The following GAS7 variants were observed in gnomAD, a reference collection of about 807,000 sequenced individuals.
GAS7 encodes the protein growth arrest-specific protein 7.
A neutral mutation model predicts 71.1 loss-of-function variants in GAS7; 28 were observed. The ratio of observed to expected loss-of-function variants is 0.39; its 90% CI spans 0.29 to 0.54. The LOEUF (loss-of-function observed/expected upper bound fraction) is 0.54. Ranked by LOEUF, GAS7 falls within the 20% of genes least tolerant of loss-of-function variation. The probability of loss-of-function intolerance (pLI) is 0.62; values close to 1 mark genes in which losing one functional copy is unlikely to be tolerated. For synonymous variants in GAS7, 258 were observed against 245.8 expected (o/e 1.05, Z -0.46); for missense variants, 436 against 627.8 (o/e 0.69, Z 3.27).
chr17:9,953,038 T>C lies in GAS7; in HGVS notation c.526-6055A>G, dbSNP rs114201358. On this transcript the variant is annotated intron_variant, in intron 5 of 13. Transcript: ENST00000432992. ...ATAAATCTTTCCACATAAAGACACA[T>C]GGACGCATATGTTCATTGCAGCACT... Among the ~76,000 whole-genome samples, 1,033 of 151,946 alleles carry C rather than the reference T, an allele frequency of 6.8e-3. 17 individuals carry two copies. Among genetic ancestry groups the C allele is most frequent in the African/African-American group, 0.024 (976 of 41,416 alleles).
At chr17:10,049,144 A>G (rs1015700452) in intron 1 of GAS7, among the ~76,000 whole-genome samples, 1 of 152,216 alleles carries the variant, frequency 6.6e-6, no homozygotes, top group African/African-American at 2.4e-5. Context: ...TCCAGAAACA[A>G]GAAGTCTTTG....
chr17:10,022,288 G>A (rs2072300499), intron 1 of GAS7, among the ~76,000 whole-genome samples: 1 of 152,130 alleles, frequency 6.6e-6, no homozygotes, highest in Non-Finnish European at 1.5e-5. Context: ...CTACAGGCAT[G>A]AGTGTTTGAT....
intron 1 of GAS7, among the ~76,000 whole-genome samples, chr17:10,165,520 A>T (rs1260649064): frequency 6.6e-6 from 1 of 152,106 alleles, no homozygotes; most frequent in East Asian, 1.9e-4. Flanking sequence ...TTATGCATCA[A>T]TTTCTACAGA....
At chr17:10,116,251 T>C (rs1199628588) in intron 1 of GAS7, among the ~76,000 whole-genome samples, 2 of 151,606 alleles carry the variant, frequency 1.3e-5, no homozygotes, top group East Asian at 1.9e-4. Context: ...GAGGCGGAGG[T>C]TGCAGTGAGC....
At chr17:10,036,638 G>T (rs1407166063) in intron 1 of GAS7, 3 of 1,434,140 alleles carry the variant, frequency 2.1e-6, no homozygotes, top group Non-Finnish European at 2.7e-6. Context: ...TTTGCTCATT[G>T]CTGTTCTTTC....
At chr17:10,058,128 TC>T (rs764000938) in intron 1 of GAS7, among the ~76,000 whole-genome samples, 92 of 152,330 alleles carry the variant, frequency 6.0e-4, no homozygotes, top group Non-Finnish European at 6.2e-4. Flanking sequence ...CGCAGGGTCC[TC>T]TGCCTAGGAA....
chr17:10,073,747 C>T (rs1156879195), intron 1 of GAS7, among the ~76,000 whole-genome samples: 3 of 152,172 alleles, frequency 2.0e-5, no homozygotes, highest in East Asian at 1.9e-4. Context: ...GCTACACGGG[C>T]GCTTGAGGAA....
At chr17:10,126,493 CAT>C (rs1164484927) in intron 1 of GAS7, among the ~76,000 whole-genome samples, 3 of 150,866 alleles carry the variant, frequency 2.0e-5, no homozygotes, top group Admixed American at 6.6e-5. Flanking sequence ...CACCCACTCA[CAT>C]ACACACAAAC....
At chr17:9,972,117 A>G (rs2061542255) in intron 3 of GAS7, among the ~76,000 whole-genome samples, 1 of 152,230 alleles carries the variant, frequency 6.6e-6, no homozygotes, top group Non-Finnish European at 1.5e-5. Flanking sequence ...CCCCTAGTAC[A>G]GTAGAAGCTT....
rs116600878 is a variant in GAS7 at position 9,929,810 on chromosome 17, T to C, written c.886-3041A>G. 1.8e-3 allele frequency among the ~76,000 whole-genome samples: 270 copies of C among 152,212 alleles called. 1 individual carries two copies. Among genetic ancestry groups the C allele is most frequent in the African/African-American group, 5.9e-3 (244 of 41,496 alleles). Reference sequence around the variant, plus strand: ...TACTTTTAAAAGACAGTTTTTTTTTTCCTTTAAAATGGTTAGGCTGGTATC... The same window carrying C: ...TACTTTTAAAAGACAGTTTTTTTTTCCCTTTAAAATGGTTAGGCTGGTATC... On this transcript the variant is annotated intron_variant, in intron 9 of 13. Transcript: ENST00000432992.
intron 1 of GAS7, among the ~76,000 whole-genome samples, chr17:10,114,217 C>T (rs1320305586): frequency 6.6e-6 from 1 of 152,110 alleles, no homozygotes; most frequent in Admixed American, 6.5e-5. Flanking sequence ...CATGAGCCAC[C>T]ATGCACTTTT....
At chr17:9,961,073 AT>A (rs1469883708) in intron 4 of GAS7, among the ~76,000 whole-genome samples, 1 of 152,048 alleles carries the variant, frequency 6.6e-6, no homozygotes, top group Admixed American at 6.5e-5. Flanking sequence ...AGCACCTCTG[AT>A]TTGCAGAATC....
intron 3 of GAS7, among the ~76,000 whole-genome samples, chr17:9,979,967 G>T (rs1226531354): frequency 1.3e-5 from 2 of 152,074 alleles, no homozygotes; most frequent in Non-Finnish European, 2.9e-5. Flanking sequence ...CATTTCTGGG[G>T]ACTTGGTCTG....
In GAS7 at chr17:10,005,042, C is replaced by CATATATATATATATATATATAT. The variant is rs370673273; in HGVS notation, c.304+14734_304+14735insATATATATATATATATATATAT. On this transcript the variant is annotated intron_variant, in intron 2 of 13. Coordinates refer to ENST00000432992, the MANE Select transcript of GAS7 (RefSeq NM_201433.2). ...CGCTCTCTCTCTCTATATATACATA[C>CATATATATATATATATATATAT]ATATATATACACATATATGTGTGTA... Among the ~76,000 whole-genome samples the CATATATATATATATATATATAT allele has an allele frequency of 6.0e-4, 87 of 144,898 alleles. No homozygotes were observed. The Middle Eastern group carries it at 0.017, about 29-fold the overall frequency.
chr17:10,017,133 A>AAAATAAAT (rs3076181), intron 2 of GAS7, among the ~76,000 whole-genome samples: 2,213 of 132,460 alleles, frequency 0.017, 36 homozygotes, highest in East Asian at 0.025. Flanking sequence ...CCTGTCTAAA[A>AAAATAAAT]AAATAAATAA....
intron 1 of GAS7, among the ~76,000 whole-genome samples, chr17:10,186,605 C>T (rs542612371): frequency 6.6e-5 from 10 of 152,100 alleles, no homozygotes; most frequent in Non-Finnish European, 1.2e-4. Flanking sequence ...TGGGTTTCAC[C>T]ACATTGGCCA....
At chr17:9,939,792 T>C (rs1355323816) in intron 8 of GAS7, among the ~76,000 whole-genome samples, 2 of 152,152 alleles carry the variant, frequency 1.3e-5, no homozygotes, top group African/African-American at 4.8e-5. Flanking sequence ...GTATTTTTAG[T>C]AGAGATGGGG....
chr17:10,064,043 A>G (rs1231349981), intron 1 of GAS7, among the ~76,000 whole-genome samples: 1 of 152,156 alleles, frequency 6.6e-6, no homozygotes, highest in Non-Finnish European at 1.5e-5. Flanking sequence ...CTCGAACATT[A>G]GTCACACACG....
At chr17:10,188,073 T>G (rs755367177) in intron 1 of GAS7, among the ~76,000 whole-genome samples, 1 of 152,068 alleles carries the variant, frequency 6.6e-6, no homozygotes, top group African/African-American at 2.4e-5. Flanking sequence ...GTGAAACCCA[T>G]CTCCACTAAA....
Sources: allele counts gnomAD v4.1 joint callset (sites outside exome capture counted in the v4.1 genomes callset), GRCh38; gene constraint gnomAD v4.1.1; transcripts MANE v1.5; gene names NCBI Gene and HGNC (gene_info 2026-07-23, HGNC 2026-07-21).